RYR3: variants seen among roughly 807,000 people sequenced by gnomAD.
RYR3 encodes brain ryanodine receptor-calcium release channel.
Under a neutral mutation model 584.3 loss-of-function variants are expected in RYR3, and 207 were observed. The observed-to-expected ratio is 0.35, with a 90% CI of 0.32 to 0.40. RYR3 has a LOEUF of 0.40. Among genes scored for constraint, RYR3 ranks in the 10% least tolerant of loss-of-function variants. The pLI is 1.00. For synonymous variants in RYR3, 2,416 were observed against 2,248.5 expected, an observed-to-expected ratio of 1.07 and a Z score of -2.11; for missense variants, 5,616 against 6,089.2, an observed-to-expected ratio of 0.92 and a Z score of 2.59.
At chr15:33,353,999 G>A (rs139055743) in intron 1 of RYR3, among the ~76,000 whole-genome samples, 8 of 152,246 alleles carry the variant, frequency 5.3e-5, no homozygotes, top group African/African-American at 1.9e-4. Flanking sequence ...TTTATCTGAC[G>A]GCTGCCCAGA....
intron 16 of RYR3, among the ~76,000 whole-genome samples, chr15:33,595,529 C>T (rs921735349): frequency 1.3e-5 from 2 of 152,090 alleles, no homozygotes; most frequent in South Asian, 4.1e-4. Context: ...AAAATTGGCC[C>T]ACCTTACAAT....
At chr15:33,795,824 C>T (rs2075582347) in intron 67 of RYR3, among the ~76,000 whole-genome samples, 1 of 152,010 alleles carries the variant, frequency 6.6e-6, no homozygotes, top group African/African-American at 2.4e-5. Flanking sequence ...AGCCACCGCA[C>T]CCGACCTAAA....
intron 76 of RYR3, 148 bp downstream of exon 76, chr15:33,818,832 A>G: frequency 1.6e-6 from 1 of 636,750 alleles, no homozygotes; most frequent in South Asian, 2.0e-5. Context: ...CCATCAAGAT[A>G]TGTCTAGGGA....
chr15:33,615,966 C>A (rs56291072), intron 19 of RYR3, among the ~76,000 whole-genome samples: 24,355 of 152,176 alleles, frequency 0.16, 2,062 homozygotes, highest in East Asian at 0.23. Flanking sequence ...TGGGATCATA[C>A]ACCCTTTGAC....
chr15:33,665,241 C>G (rs74005941), intron 36 of RYR3, among the ~76,000 whole-genome samples: 4,004 of 152,200 alleles, frequency 0.026, 198 homozygotes, highest in African/African-American at 0.09. Flanking sequence ...CAAACTGGCT[C>G]CCCCATTGCT....
intron 98 of RYR3, among the ~76,000 whole-genome samples, chr15:33,857,129 T>TA (rs2079761844): frequency 6.6e-6 from 1 of 152,182 alleles, no homozygotes; most frequent in South Asian, 2.1e-4. Flanking sequence ...TAATGCCCTA[T>TA]ACATTAGTCT....
At chr15:33,741,526 C>T (rs970920138) in intron 51 of RYR3, among the ~76,000 whole-genome samples, 4 of 152,158 alleles carry the variant, frequency 2.6e-5, no homozygotes, top group Admixed American at 2.0e-4. Context: ...GGTGCTGATA[C>T]CAACAGAAGG....
intron 81 of RYR3, among the ~76,000 whole-genome samples, chr15:33,823,869 C>G (rs957302334): frequency 6.6e-6 from 1 of 151,972 alleles, no homozygotes; most frequent in East Asian, 1.9e-4. Context: ...ATTATGCTTT[C>G]CATTTAAAAA....
chr15:33,615,850 C>T (rs1220950697), intron 19 of RYR3, among the ~76,000 whole-genome samples: 1 of 152,208 alleles, frequency 6.6e-6, no homozygotes, highest in Non-Finnish European at 1.5e-5. Flanking sequence ...GAGCAAAAGC[C>T]TTCTGGAAGA....
chr15:33,565,116 A>G (rs2339309), intron 11 of RYR3, among the ~76,000 whole-genome samples: 99,711 of 141,810 alleles, frequency 0.7, 33,688 homozygotes, highest in Middle Eastern at 0.79. Flanking sequence ...GAAGGACCTT[A>G]GGAACTGGCT....
chr15:33,723,056 C>T (rs2068067882), intron 44 of RYR3, among the ~76,000 whole-genome samples, 161 bp downstream of exon 44: 1 of 152,206 alleles, frequency 6.6e-6, no homozygotes, highest in South Asian at 2.1e-4. Flanking sequence ...CTTAACTCTC[C>T]CAGTAAGGCT....
intron 1 of RYR3, among the ~76,000 whole-genome samples, chr15:33,397,816 C>G (rs746530229): frequency 6.6e-6 from 1 of 151,988 alleles, no homozygotes; most frequent in African/African-American, 2.4e-5. Flanking sequence ...GTCAGTCTTA[C>G]GATCTCTATT....
chr15:33,852,620 ACATCCCG>A, intron 94 of RYR3: 1 of 164,572 alleles, frequency 6.1e-6, no homozygotes, highest in Admixed American at 5.7e-5. Flanking sequence ...ACCACACCCC[ACATCCCG>A]CATCGCCATT....
Position 33,843,766 on chromosome 15 carries a change from G to A in RYR3, c.13296+192G>A, listed in dbSNP as rs569229893. Among the ~76,000 whole-genome samples, 8 of 152,364 alleles carry A rather than the reference G, an allele frequency of 5.3e-5. No homozygotes were observed. In the East Asian group the frequency reaches 1.5e-3, roughly 29 times the overall value. On this transcript the variant is annotated intron_variant, in intron 92 of 103. Coordinates refer to ENST00000634891, the MANE Select transcript of RYR3 (RefSeq NM_001036.6). Reference sequence around the variant, plus strand: ...GGAGAGACTACTGACAAGAGAGCCAGTGAGGGGACTATTTCAATAGTTCAT... The same window carrying A: ...GGAGAGACTACTGACAAGAGAGCCAATGAGGGGACTATTTCAATAGTTCAT...
intron 32 of RYR3, among the ~76,000 whole-genome samples, chr15:33,658,458 G>A (rs1219727669): frequency 6.6e-6 from 1 of 152,220 alleles, no homozygotes; most frequent in East Asian, 1.9e-4. Flanking sequence ...TCTAGGAAGT[G>A]ACAGGTCCTT....
chr15:33,320,210 A>G (rs1199060474), intron 1 of RYR3, among the ~76,000 whole-genome samples: 1 of 152,202 alleles, frequency 6.6e-6, no homozygotes, highest in Non-Finnish European at 1.5e-5. Context: ...CCTTGGATAA[A>G]AATGTCAACC....
rs58200056 is a variant in RYR3 at position 33,477,877 on chromosome 15, G to GAA, written c.171+4367_171+4368dup. Among the ~76,000 whole-genome samples the GAA allele has an allele frequency of 4.5e-4, 28 of 62,620 alleles. 3 individuals carry two copies. The highest frequency in any genetic ancestry group is 6.0e-4 in the Admixed American group (3 of 4,982). The allele number at this position is 62,620 out of a possible 152,430, so 41.1% of individuals were successfully genotyped here. On this transcript the variant is annotated intron_variant, in intron 2 of 103. Transcript: ENST00000634891. ...GCGACAGAGCGAGATTCTGTCTCAAGAAAAAAAAAAAAAAAAAAAAAAAAA... is the reference window on the plus strand; with the variant it reads ...GCGACAGAGCGAGATTCTGTCTCAAGAAAAAAAAAAAAAAAAAAAAAAAAAAA...
At chr15:33,663,959 C>G (rs1459150719) in intron 36 of RYR3, among the ~76,000 whole-genome samples, 1 of 152,186 alleles carries the variant, frequency 6.6e-6, no homozygotes, top group Non-Finnish European at 1.5e-5. Flanking sequence ...GCACACGTGG[C>G]AGGGCTTCCT....
chr15:33,626,673 G>T (rs867865903), intron 20 of RYR3, among the ~76,000 whole-genome samples: 4 of 152,086 alleles, frequency 2.6e-5, no homozygotes, highest in Non-Finnish European at 4.4e-5. Flanking sequence ...CCCTTGCTTT[G>T]TGCAGCCTAG....
Sources: gnomAD v4.1 joint callset for allele counts (sites outside exome capture counted in the v4.1 genomes callset) on GRCh38, gnomAD v4.1.1 for gene constraint, MANE v1.5 for transcripts, NCBI Gene and HGNC (gene_info 2026-07-23, HGNC 2026-07-21) for gene names.